Variants in SASH1 observed in about 807,000 individuals in gnomAD.
The protein encoded by SASH1 is SAM and SH3 domain-containing protein 1.
Under a neutral mutation model 125.2 loss-of-function variants are expected in SASH1, and 44 were observed. The ratio of observed to expected loss-of-function variants is 0.35; its 90% CI spans 0.28 to 0.45. SASH1 has a LOEUF of 0.45. Ranked by LOEUF, SASH1 falls within the 20% of genes least tolerant of loss-of-function variation. SASH1 has a pLI of 1.00. For missense variants in SASH1, 1,426 were observed against 1,614.5 expected (o/e 0.88, Z 2.00); for synonymous variants, 639 against 649.1 (o/e 0.98, Z 0.24).
At chr6:148,438,768 A>C (rs1230294084) in intron 2 of SASH1, among the ~76,000 whole-genome samples, 21 of 150,924 alleles carry the variant, frequency 1.4e-4, no homozygotes, top group Non-Finnish European at 2.5e-4. Context: ...AAAAAAAAAA[A>C]CCACGTAACA....
chr6:148,342,164 G>A (rs558104618), upstream of SASH1, among the ~76,000 whole-genome samples: 5 of 152,318 alleles, frequency 3.3e-5, no homozygotes, highest in Non-Finnish European at 7.3e-5. Flanking sequence ...GGCATTGTGG[G>A]CATTCAGGAG....
chr6:148,407,058 A>C (rs564845876), intron 2 of SASH1, among the ~76,000 whole-genome samples: 1 of 151,974 alleles, frequency 6.6e-6, no homozygotes, highest in Non-Finnish European at 1.5e-5. Context: ...TTTAAAAAAA[A>C]TTATTTTAAA....
At chr6:148,280,450 T>A (rs1351260500) in intron 1 of SASH1, 3 of 152,060 alleles carry the variant, frequency 2.0e-5, no homozygotes, top group Non-Finnish European at 4.4e-5. Flanking sequence ...AAATGAGACA[T>A]ACTGAGTAGA....
chr6:148,290,029 G>T (rs368260997), intron 1 of SASH1, among the ~76,000 whole-genome samples: 1 of 151,454 alleles, frequency 6.6e-6, no homozygotes, highest in African/African-American at 2.4e-5. Flanking sequence ...CACCATGTCC[G>T]GTTAATTTTT....
At chr6:148,403,597 C>G (rs1583096140) in intron 2 of SASH1, among the ~76,000 whole-genome samples, 1 of 152,182 alleles carries the variant, frequency 6.6e-6, no homozygotes, top group East Asian at 1.9e-4. Flanking sequence ...ATGGCTCAAT[C>G]TTGGCTCACC....
At chr6:148,510,007 A>G (rs1780025808) in intron 8 of SASH1, among the ~76,000 whole-genome samples, 1 of 152,196 alleles carries the variant, frequency 6.6e-6, no homozygotes, top group South Asian at 2.1e-4. Flanking sequence ...CTGGCCGGCA[A>G]ATGGTGTGCT....
chr6:148,256,109 A>G, the SASH1 span, among the ~76,000 whole-genome samples: 1 of 152,190 alleles, frequency 6.6e-6, no homozygotes, highest in Non-Finnish European at 1.5e-5. Context: ...CCTCTGCCCT[A>G]TAGCTGAGTT....
At chr6:148,296,604 G>A (rs532244595) in intron 1 of SASH1, among the ~76,000 whole-genome samples, 6 of 152,346 alleles carry the variant, frequency 3.9e-5, no homozygotes, top group African/African-American at 1.4e-4. Flanking sequence ...ATAGGATAGA[G>A]TGATTGACCC....
intron 4 of SASH1, among the ~76,000 whole-genome samples, chr6:148,462,326 G>A (rs1427453764): frequency 6.8e-6 from 1 of 146,076 alleles, no homozygotes; most frequent in South Asian, 2.2e-4. Flanking sequence ...TGGTTATAAT[G>A]AAGTTTCTGG....
intron 1 of SASH1, among the ~76,000 whole-genome samples, chr6:148,382,542 G>A (rs1268467125): frequency 6.6e-6 from 1 of 152,086 alleles, no homozygotes; most frequent in Non-Finnish European, 1.5e-5. Flanking sequence ...CACCTGCCTT[G>A]GCCTTCCAAA....
At chr6:148,385,978 G>A (rs1441849660) in intron 1 of SASH1, among the ~76,000 whole-genome samples, 1 of 152,236 alleles carries the variant, frequency 6.6e-6, no homozygotes, top group Non-Finnish European at 1.5e-5. Context: ...ATTTGTAGCA[G>A]GTAAAACAAC....
rs1293095593 is a variant in SASH1, at chr6:148,519,112, C to T, written c.863-435C>T. ...AAAACAATCACTGTCAGCCACATGA[C>T]ATTTATCACACTCCAACTATAAAAA... On this transcript the variant is annotated intron_variant, in intron 9 of 19. Coordinates refer to ENST00000367467, the MANE Select transcript of SASH1 (RefSeq NM_015278.5). The surrounding 1 kb of genome is among the most constrained non-coding windows in gnomAD (Gnocchi z 4.8). Among the ~76,000 whole-genome samples the T allele has an allele frequency of 6.6e-6, 1 of 151,760 alleles. No homozygotes were observed. The highest frequency in any genetic ancestry group is 2.4e-5 in the African/African-American group (1 of 41,356).
At chr6:148,461,539 A>C in intron 4 of SASH1, among the ~76,000 whole-genome samples, 2 of 152,270 alleles carry the variant, frequency 1.3e-5, no homozygotes, top group Non-Finnish European at 2.9e-5. Flanking sequence ...TGCATAGGGC[A>C]TGGAATTTAA....
intron 2 of SASH1, among the ~76,000 whole-genome samples, chr6:148,431,420 A>G (rs1204525045): frequency 2.6e-5 from 4 of 152,108 alleles, no homozygotes; most frequent in African/African-American, 9.7e-5. Flanking sequence ...GCTGGTCTCA[A>G]ACTCATGACC....
intron 1 of SASH1, among the ~76,000 whole-genome samples, chr6:148,370,317 T>G (rs190440492): frequency 1.3e-5 from 2 of 152,348 alleles, no homozygotes; most frequent in Admixed American, 1.3e-4. Flanking sequence ...TGGCAAGATT[T>G]GGAATCAGGA....
chr6:148,294,749 G>A (rs773713664), intron 1 of SASH1, among the ~76,000 whole-genome samples: 10 of 152,146 alleles, frequency 6.6e-5, no homozygotes, highest in Admixed American at 6.5e-4. Flanking sequence ...AACGAGAGGG[G>A]AGCAAAAATT....
intron 4 of SASH1, among the ~76,000 whole-genome samples, chr6:148,461,002 G>A (rs532793437): frequency 2.6e-5 from 4 of 152,196 alleles, no homozygotes; most frequent in Admixed American, 6.5e-5. Flanking sequence ...GACTAAGTTC[G>A]TCAGTTTGGG....
intron 8 of SASH1, among the ~76,000 whole-genome samples, chr6:148,496,805 C>T (rs534021591): frequency 6.6e-6 from 1 of 150,972 alleles, no homozygotes; most frequent in African/African-American, 2.4e-5. Context: ...CCCAAGAGGC[C>T]GAAACTGCAG....
At chr6:148,216,984 C>T in the SASH1 span, among the ~76,000 whole-genome samples, 223 of 152,230 alleles carry the variant, frequency 1.5e-3, no homozygotes, top group African/African-American at 5.1e-3. Flanking sequence ...GCCTCGGCTT[C>T]CCAGAGTGCT....
Sources: gnomAD v4.1 joint callset for allele counts (sites outside exome capture counted in the v4.1 genomes callset) on GRCh38, gnomAD v4.1.1 for gene constraint, Gnocchi (gnomAD v3.1) non-coding constraint, MANE v1.5 for transcripts, NCBI Gene and HGNC (gene_info 2026-07-23, HGNC 2026-07-21) for gene names.